The following THSD7A variants were observed in gnomAD, a reference collection of about 807,000 sequenced individuals.
The protein encoded by THSD7A is thrombospondin type 1 domain containing 7A.
THSD7A carries 96 observed loss-of-function variants against 231.3 expected under a neutral mutation model. The observed-to-expected ratio is 0.41, with a 90% CI of 0.35 to 0.49. The LOEUF is 0.49. THSD7A is among the 20% of genes least tolerant of loss of function. The pLI, the probability that THSD7A is intolerant of heterozygous loss-of-function variation, is 0.05. For missense variants in THSD7A, 2,290 were observed against 2,070.2 expected (o/e 1.11, Z -2.06); for synonymous variants, 940 against 743.3 (o/e 1.26, Z -4.30).
At position 11,814,044 on chromosome 7, in the gene THSD7A, C is replaced by G. The variant is rs2355100; in HGVS notation, c.190+17713G>C. On this transcript the variant is annotated intron_variant, in intron 1 of 27. Coordinates refer to ENST00000423059, the MANE Select transcript of THSD7A (RefSeq NM_015204.3). The surrounding 1 kb of genome is among the most constrained non-coding windows in gnomAD (Gnocchi z 5.1). ...GATGCGAAATAAAAGGTGCTAGTCA[C>G]AAAAGATCACGCAAGTTATGATGCC... Among the ~76,000 whole-genome samples the G allele has an allele frequency of 0.29, 44,626 of 152,058 alleles. 7,611 individuals are homozygous for G. The highest frequency in any genetic ancestry group is 0.44 in the East Asian group (2,240 of 5,144).
At chr7:11,600,327 G>T (rs1217831695) in intron 2 of THSD7A, among the ~76,000 whole-genome samples, 1 of 151,758 alleles carries the variant, frequency 6.6e-6, no homozygotes, top group African/African-American at 2.4e-5. Context: ...GATACATGTG[G>T]GTTTCCTAAT....
At chr7:11,592,223 A>G (rs1584043200) in intron 3 of THSD7A, among the ~76,000 whole-genome samples, 2 of 152,320 alleles carry the variant, frequency 1.3e-5, no homozygotes, top group East Asian at 3.9e-4. Context: ...GGATGAGTCC[A>G]AAGTGCTGCA....
intron 1 of THSD7A, among the ~76,000 whole-genome samples, chr7:11,769,835 T>A (rs1783166610): frequency 6.6e-6 from 1 of 152,224 alleles, no homozygotes; most frequent in Non-Finnish European, 1.5e-5. Context: ...TCTAAAAGTA[T>A]CTGTATGATT....
intron 1 of THSD7A, among the ~76,000 whole-genome samples, chr7:11,655,569 C>A (rs912327557): frequency 1.3e-5 from 2 of 151,876 alleles, no homozygotes; most frequent in African/African-American, 4.8e-5. Context: ...TGTAGCTTTT[C>A]TGGGGCACTG....
At chr7:11,591,986 T>A (rs970334838) in intron 3 of THSD7A, among the ~76,000 whole-genome samples, 1 of 152,208 alleles carries the variant, frequency 6.6e-6, no homozygotes, top group Non-Finnish European at 1.5e-5. Flanking sequence ...CAAGGATATA[T>A]GTTTATTTTG....
At chr7:11,774,199 C>G (rs1312069557) in intron 1 of THSD7A, among the ~76,000 whole-genome samples, 1 of 152,022 alleles carries the variant, frequency 6.6e-6, no homozygotes, top group Non-Finnish European at 1.5e-5. Flanking sequence ...CATAGATGAA[C>G]CTGGAAAACC....
At chr7:11,585,949 A>G (rs1779884426) in intron 4 of THSD7A, among the ~76,000 whole-genome samples, 1 of 152,136 alleles carries the variant, frequency 6.6e-6, no homozygotes, top group Non-Finnish European at 1.5e-5. Flanking sequence ...CGTCAATGTT[A>G]TGACAAAATG....
chr7:11,574,965 G>C (rs1790825652), intron 4 of THSD7A, among the ~76,000 whole-genome samples: 1 of 152,146 alleles, frequency 6.6e-6, no homozygotes, highest in African/African-American at 2.4e-5. Context: ...TCTGGAGCCA[G>C]ACTGATTCAC....
intron 4 of THSD7A, among the ~76,000 whole-genome samples, chr7:11,588,452 T>G (rs1334494558): frequency 6.6e-6 from 1 of 152,230 alleles, no homozygotes; most frequent in South Asian, 2.1e-4. Context: ...CATATTTACA[T>G]GATAAATATT....
intron 1 of THSD7A, among the ~76,000 whole-genome samples, chr7:11,728,775 T>C (rs933208956): frequency 1.3e-5 from 2 of 151,808 alleles, no homozygotes; most frequent in African/African-American, 4.8e-5. Context: ...ATACTAAATA[T>C]TAGTAACATG....
Position 11,821,400 on chromosome 7 carries a change from C to CTT in THSD7A, c.190+10355_190+10356dup, listed in dbSNP as rs35163025. The stretch of plus-strand genomic sequence containing the variant: ...CTCCCTTGCCCTGATTTTAAAAGCC[C>CTT]TTTTTTTTTCTTTTATTTTTTTAGG... On this transcript the variant is annotated intron_variant, in intron 1 of 27. Coordinates refer to ENST00000423059, the MANE Select transcript of THSD7A (RefSeq NM_015204.3). 2,198 of 291,468 alleles carry CTT rather than the reference C, an allele frequency of 7.5e-3. 2 individuals carry two copies. The highest frequency in any genetic ancestry group is 0.012 in the South Asian group (161 of 13,352). The allele number at this position is 291,468 out of a possible 1,614,324, so 18.1% of individuals were successfully genotyped here.
At chr7:11,479,746 T>C (rs943174160) in intron 7 of THSD7A, among the ~76,000 whole-genome samples, 8 of 152,200 alleles carry the variant, frequency 5.3e-5, no homozygotes, top group Non-Finnish European at 1.2e-4. Flanking sequence ...TGTCCACTAA[T>C]AGGTACTAAA....
At chr7:11,742,050 A>T (rs1782131949) in intron 1 of THSD7A, among the ~76,000 whole-genome samples, 2 of 151,930 alleles carry the variant, frequency 1.3e-5, no homozygotes, top group African/African-American at 2.4e-5. Flanking sequence ...TCCTAAATTC[A>T]CACTCCTTTT....
chr7:11,379,799 T>C, intron 24 of THSD7A, 87 bp from the exon 25 acceptor site: 1 of 1,385,616 alleles, frequency 7.2e-7, no homozygotes, highest in Non-Finnish European at 1.0e-6. Flanking sequence ...CTTTGAATCT[T>C]GAACCACCTT....
chr7:11,577,398 C>A lies in THSD7A; in HGVS notation c.1453+13062G>T, dbSNP rs376909589. The stretch of plus-strand genomic sequence containing the variant: ...GTGGTGTGATCTTGGCTCATTGCAA[C>A]CTCTGCCTCCCAGGTTCAAGCAATT... On this transcript the variant is annotated intron_variant, in intron 4 of 27. Coordinates refer to ENST00000423059, the MANE Select transcript of THSD7A (RefSeq NM_015204.3). Among the ~76,000 whole-genome samples, 13 of 152,220 alleles carry A rather than the reference C, an allele frequency of 8.5e-5. No homozygotes were observed. The East Asian group carries it at 2.3e-3, about 27-fold the overall frequency.
At chr7:11,456,107 T>C (rs1490431531) in intron 11 of THSD7A, among the ~76,000 whole-genome samples, 1 of 152,006 alleles carries the variant, frequency 6.6e-6, no homozygotes, top group African/African-American at 2.4e-5. Context: ...TGAATCATAA[T>C]AGGTGACCTT....
At chr7:11,619,736 T>A (rs900925030) in intron 2 of THSD7A, among the ~76,000 whole-genome samples, 3 of 152,096 alleles carry the variant, frequency 2.0e-5, no homozygotes, top group African/African-American at 4.8e-5. Flanking sequence ...TTACATACTT[T>A]TAAAATGATA....
chr7:11,778,032 C>CT (rs1783482765), intron 1 of THSD7A, among the ~76,000 whole-genome samples: 1 of 148,350 alleles, frequency 6.7e-6, no homozygotes, highest in Non-Finnish European at 1.5e-5. Flanking sequence ...TGGCGGGCGC[C>CT]TGTAGTCCCA....
At chr7:11,527,496 C>T (rs1788526885) in intron 6 of THSD7A, among the ~76,000 whole-genome samples, 1 of 152,118 alleles carries the variant, frequency 6.6e-6, no homozygotes, top group South Asian at 2.1e-4. Context: ...TATCTAACAT[C>T]ACATGCTCTA....
Sources: gnomAD v4.1 joint callset for allele counts (sites outside exome capture counted in the v4.1 genomes callset) on GRCh38, gnomAD v4.1.1 for gene constraint, Gnocchi (gnomAD v3.1) non-coding constraint, MANE v1.5 for transcripts, NCBI Gene and HGNC (gene_info 2026-07-23, HGNC 2026-07-21) for gene names.